CDH8: variants seen among roughly 807,000 people sequenced by gnomAD.
CDH8 encodes the protein cadherin-8.
A neutral mutation model predicts 68.1 loss-of-function variants in CDH8; 17 were observed. That is an observed-to-expected ratio of 0.25 (90% CI 0.17 to 0.37). The LOEUF (loss-of-function observed/expected upper bound fraction) is 0.37. Ranked by LOEUF, CDH8 falls within the 10% of genes least tolerant of loss-of-function variation. CDH8 has a pLI of 1.00. For synonymous variants in CDH8, 372 were observed against 365.1 expected (o/e 1.02, Z -0.21); for missense variants, 763 against 999.3 (o/e 0.76, Z 3.19).
At chr16:62,023,637 A>G (rs1172690190) in intron 1 of CDH8, among the ~76,000 whole-genome samples, 1 of 152,196 alleles carries the variant, frequency 6.6e-6, no homozygotes, top group Non-Finnish European at 1.5e-5. Flanking sequence ...GAGTGAAGCT[A>G]TGTAACTTCT....
chr16:61,959,540 C>T (rs889065803), intron 2 of CDH8, among the ~76,000 whole-genome samples: 1 of 129,912 alleles, frequency 7.7e-6, no homozygotes, highest in Non-Finnish European at 1.7e-5. Flanking sequence ...CTCTCTCTCT[C>T]TCTGTGTGTG....
At chr16:61,715,875 C>T (rs1247295898) in intron 9 of CDH8, among the ~76,000 whole-genome samples, 1 of 151,610 alleles carries the variant, frequency 6.6e-6, no homozygotes, top group Non-Finnish European at 1.5e-5. Context: ...ACCACTTCAC[C>T]TCAGAACAGC....
chr16:61,782,795 A>C (rs1199350740), intron 8 of CDH8, among the ~76,000 whole-genome samples: 1 of 152,136 alleles, frequency 6.6e-6, no homozygotes, highest in Non-Finnish European at 1.5e-5. Flanking sequence ...ACCCCTGAGC[A>C]GCCTAACTGG....
At chr16:61,673,936 G>C (rs969883865) in intron 10 of CDH8, among the ~76,000 whole-genome samples, 1 of 152,102 alleles carries the variant, frequency 6.6e-6, no homozygotes, top group Non-Finnish European at 1.5e-5. Flanking sequence ...TGACTACCAA[G>C]CTACACACAT....
chr16:61,834,226 A>G (rs1157533954), intron 4 of CDH8, among the ~76,000 whole-genome samples: 3 of 151,854 alleles, frequency 2.0e-5, no homozygotes, highest in African/African-American at 7.2e-5. Context: ...CCAGAGACAT[A>G]CAGATGTTGT....
At chr16:62,010,658 G>T (rs1391738047) in intron 2 of CDH8, among the ~76,000 whole-genome samples, 2 of 151,710 alleles carry the variant, frequency 1.3e-5, no homozygotes, top group Admixed American at 1.3e-4. Flanking sequence ...TTCTCTTGGG[G>T]GTAGGCACGG....
chr16:61,796,712 G>T (rs563613998), intron 7 of CDH8, among the ~76,000 whole-genome samples: 1 of 152,046 alleles, frequency 6.6e-6, no homozygotes, highest in Admixed American at 6.6e-5. Flanking sequence ...AAATGCTAAG[G>T]AACTGATCCT....
rs546142364 is a variant in CDH8, at chr16:61,650,003, G to T, written c.*3605C>A. On this transcript the variant is annotated 3_prime_UTR_variant, in exon 12 of 12. Coordinates refer to ENST00000577390, the MANE Select transcript of CDH8 (RefSeq NM_001796.5). ...TCACTGGTGATACCAGTAAATCTAAGTTTCCTTTTCTTCTATATATACACA... is the reference window on the plus strand; with the variant it reads ...TCACTGGTGATACCAGTAAATCTAATTTTCCTTTTCTTCTATATATACACA... 6.6e-6 allele frequency: 1 copy of T among 151,858 alleles called. No individual in the cohort carries two copies. The highest frequency in any genetic ancestry group is 2.0e-4 in the East Asian group (1 of 5,126). The allele number at this position is 151,858 out of a possible 1,614,324, so 9.4% of individuals were successfully genotyped here. A position where few individuals can be genotyped will look rare whatever the true frequency, so the allele number is the denominator to read the frequency against.
intron 3 of CDH8, among the ~76,000 whole-genome samples, chr16:61,899,949 T>C (rs930982781): frequency 3.3e-5 from 5 of 151,822 alleles, no homozygotes; most frequent in Non-Finnish European, 5.9e-5. Flanking sequence ...CTGACAATGG[T>C]CACCCAATTT....
chr16:61,768,429 C>CTCTCTCTCT (rs1555508728), intron 8 of CDH8, among the ~76,000 whole-genome samples: 4 of 69,262 alleles, frequency 5.8e-5, no homozygotes, highest in Non-Finnish European at 7.9e-5. Context: ...TCTCTCTCTC[C>CTCTCTCTCT]CTCTCCCTCT....
chr16:61,846,959 T>A (rs1240465443), intron 4 of CDH8, among the ~76,000 whole-genome samples: 1 of 152,116 alleles, frequency 6.6e-6, no homozygotes, highest in Non-Finnish European at 1.5e-5. Context: ...ATGTTCCTGG[T>A]CCACTATCAA....
At chr16:61,918,752 A>G (rs1283134779) in intron 2 of CDH8, 7 of 154,326 alleles carry the variant, frequency 4.5e-5, no homozygotes, top group Non-Finnish European at 8.5e-5. Context: ...GGCGCCCGCC[A>G]TTGCCCAGGC....
At chr16:61,765,198 C>T (rs1960557905) in intron 8 of CDH8, among the ~76,000 whole-genome samples, 4 of 151,874 alleles carry the variant, frequency 2.6e-5, no homozygotes, top group Non-Finnish European at 5.9e-5. Flanking sequence ...AAATTAAGTG[C>T]ATAAATCAAA....
At position 61,801,733 on chromosome 16, in the gene CDH8, C is replaced by A. The variant is rs111246987; in HGVS notation, c.1278-12251G>T. The stretch of plus-strand genomic sequence containing the variant: ...CGCACCTGGAAAATCGGGTCACTCC[C>A]ACCCGAATATTGCCCTTTTCAGACC... On this transcript the variant is annotated intron_variant, in intron 7 of 11. Coordinates refer to ENST00000577390, the MANE Select transcript of CDH8 (RefSeq NM_001796.5). 9.1e-4 allele frequency among the ~76,000 whole-genome samples: 139 copies of A among 152,308 alleles called. 1 individual carries two copies. Among genetic ancestry groups the A allele is most frequent in the African/African-American group, 2.9e-3 (119 of 41,574 alleles).
chr16:61,780,299 G>C (rs1961016418), intron 8 of CDH8, among the ~76,000 whole-genome samples: 1 of 152,156 alleles, frequency 6.6e-6, no homozygotes. Flanking sequence ...ATGGACATCT[G>C]CCTGCCAGCT....
chr16:61,696,272 T>C (rs891415446), intron 10 of CDH8, among the ~76,000 whole-genome samples: 9 of 152,170 alleles, frequency 5.9e-5, no homozygotes, highest in African/African-American at 9.7e-5. Flanking sequence ...CTGATTGCAA[T>C]GGGGCTATCA....
intron 4 of CDH8, among the ~76,000 whole-genome samples, chr16:61,830,453 G>A (rs547896995): frequency 1.1e-4 from 17 of 151,878 alleles, no homozygotes; most frequent in Admixed American, 9.8e-4. Flanking sequence ...ATTCTAAAAA[G>A]CCAGAGAGAG....
At chr16:61,953,722 A>G (rs1248413909) in intron 2 of CDH8, among the ~76,000 whole-genome samples, 3 of 151,154 alleles carry the variant, frequency 2.0e-5, no homozygotes, top group Admixed American at 1.3e-4. Flanking sequence ...TACAAAAACT[A>G]GCCAGGCATG....
intron 2 of CDH8, among the ~76,000 whole-genome samples, chr16:61,924,236 T>G (rs1364207831): frequency 6.6e-6 from 1 of 152,132 alleles, no homozygotes. Context: ...GAATAATCAA[T>G]TTTAGGTTCC....
Sources: gnomAD v4.1 joint callset for allele counts (sites outside exome capture counted in the v4.1 genomes callset) on GRCh38, gnomAD v4.1.1 for gene constraint, MANE v1.5 for transcripts, NCBI Gene and HGNC (gene_info 2026-07-23, HGNC 2026-07-21) for gene names.